The following CPNE5 variants were observed in gnomAD, a reference collection of about 807,000 sequenced individuals.
CPNE5 encodes copine-5.
CPNE5 carries 42 observed loss-of-function variants against 81.1 expected under a neutral mutation model. That is an observed-to-expected ratio of 0.52 (90% CI 0.40 to 0.67). CPNE5 has a LOEUF of 0.67. Among genes scored for constraint, CPNE5 ranks in the 30% least tolerant of loss-of-function variants. CPNE5 has a pLI of 0.00. For synonymous variants in CPNE5, 313 were observed against 321.5 expected (o/e 0.97, Z 0.28); for missense variants, 612 against 815.5 (o/e 0.75, Z 3.04).
intron 12 of CPNE5, among the ~76,000 whole-genome samples, chr6:36,761,868 A>T (rs34050213): frequency 0.026 from 3,984 of 152,294 alleles, 85 homozygotes; most frequent in Non-Finnish European, 0.039. Flanking sequence ...AAGTTCAGAC[A>T]AGAAAGCACG....
chr6:36,753,241 G>A (rs1193478197), intron 13 of CPNE5, 146 bp from the exon 14 acceptor site: 9 of 613,888 alleles, frequency 1.5e-5, no homozygotes, highest in South Asian at 1.4e-4. Flanking sequence ...ACCCCATGAA[G>A]TACTATTATT....
At chr6:36,782,352 T>C (rs115111852) in intron 8 of CPNE5, among the ~76,000 whole-genome samples, 2,172 of 152,136 alleles carry the variant, frequency 0.014, 53 homozygotes, top group African/African-American at 0.05. Context: ...AGGCAACAGC[T>C]CTTAGTTTTG....
At chr6:36,824,328 C>A (rs1234130550) in intron 1 of CPNE5, among the ~76,000 whole-genome samples, 1 of 152,212 alleles carries the variant, frequency 6.6e-6, no homozygotes, top group Non-Finnish European at 1.5e-5. Context: ...GCCAGAGGGA[C>A]TGAGCCCCAG....
At chr6:36,764,150 T>A (rs1766332568) in intron 11 of CPNE5, among the ~76,000 whole-genome samples, 1 of 141,676 alleles carries the variant, frequency 7.1e-6, no homozygotes, top group Non-Finnish European at 1.5e-5. Context: ...GCATTCTGAC[T>A]ATGAGCAACT....
chr6:36,744,960 C>T, intron 18 of CPNE5, 88 bp downstream of exon 18: 2 of 907,546 alleles, frequency 2.2e-6, no homozygotes, highest in Non-Finnish European at 3.6e-6. Flanking sequence ...TCCCTAAGGT[C>T]AAGGAGGTAG....
chr6:36,760,803 A>G (rs1765950831), intron 12 of CPNE5, among the ~76,000 whole-genome samples: 1 of 152,160 alleles, frequency 6.6e-6, no homozygotes, highest in African/African-American at 2.4e-5. Context: ...GGAGCCTGAC[A>G]CTAGGGCAAT....
At chr6:36,829,522 G>T (rs574402129) in intron 1 of CPNE5, among the ~76,000 whole-genome samples, 2 of 151,180 alleles carry the variant, frequency 1.3e-5, no homozygotes, top group South Asian at 4.2e-4. Context: ...CATAAATAAA[G>T]AAACAGAAGG....
chr6:36,774,456 C>G (rs771581702), intron 10 of CPNE5, among the ~76,000 whole-genome samples: 4 of 152,182 alleles, frequency 2.6e-5, no homozygotes, highest in Admixed American at 2.6e-4. Context: ...ACTAGGCTGG[C>G]AGGATGTATC....
intron 12 of CPNE5, among the ~76,000 whole-genome samples, chr6:36,760,294 G>T (rs1326804400): frequency 6.6e-6 from 1 of 151,918 alleles, no homozygotes; most frequent in East Asian, 1.9e-4. Flanking sequence ...GAAAGAGCTT[G>T]GAACTTCACC....
intron 8 of CPNE5, among the ~76,000 whole-genome samples, chr6:36,782,860 CACACACACAA>C (rs1046189194): frequency 2.8e-5 from 4 of 143,674 alleles, no homozygotes; most frequent in Non-Finnish European, 4.6e-5. Flanking sequence ...CACACACACA[CACACACACAA>C]AACGGCACAA....
rs1012137021 is a variant in CPNE5, at chr6:36,822,167, G to T, written c.137-7C>A. ...TGGGTATACATGACGCACACTGCGG[G>T]GGGAGGAGAAACAGTGGATTAATAC... is the stretch of plus-strand genomic sequence containing the variant. On this transcript the variant is annotated splice_region_variant and splice_polypyrimidine_tract_variant and intron_variant, in intron 2 of 20. Coordinates refer to ENST00000244751, the MANE Select transcript of CPNE5 (RefSeq NM_020939.2). 2.0e-6 allele frequency: 3 copies of T among 1,508,838 alleles called. No homozygotes were observed. The highest frequency in any genetic ancestry group is 2.7e-6 in the Non-Finnish European group (3 of 1,118,178). The allele number at this position is 1,508,838 out of a possible 1,614,324, so 93.5% of individuals were successfully genotyped here. A position where few individuals can be genotyped will look rare whatever the true frequency, so the allele number is the denominator to read the frequency against.
At chr6:36,783,903 T>A (rs1768281998) in intron 8 of CPNE5, among the ~76,000 whole-genome samples, 1 of 152,184 alleles carries the variant, frequency 6.6e-6, no homozygotes, top group Admixed American at 6.5e-5. Flanking sequence ...GGCGCTAAGA[T>A]GGGAACAAGA....
At chr6:36,760,661 G>A (rs1765934496) in intron 12 of CPNE5, among the ~76,000 whole-genome samples, 1 of 152,190 alleles carries the variant, frequency 6.6e-6, no homozygotes, top group African/African-American at 2.4e-5. Flanking sequence ...AAGGTGCCCT[G>A]AGCCCCCATG....
intron 1 of CPNE5, among the ~76,000 whole-genome samples, chr6:36,823,777 T>C (rs1247327046): frequency 6.6e-6 from 1 of 152,362 alleles, no homozygotes; most frequent in East Asian, 1.9e-4. Context: ...TCCCATTTAC[T>C]GAGCCCCGGC....
intron 14 of CPNE5, among the ~76,000 whole-genome samples, chr6:36,750,258 G>T (rs1187246609): frequency 6.6e-6 from 1 of 152,188 alleles, no homozygotes; most frequent in African/African-American, 2.4e-5. Flanking sequence ...AGCTCTATCA[G>T]CCCAAGATCC....
chr6:36,767,215 G>A (rs16889095), intron 10 of CPNE5, among the ~76,000 whole-genome samples: 2,539 of 152,230 alleles, frequency 0.017, 60 homozygotes, highest in African/African-American at 0.054. Flanking sequence ...TAGGTACTTG[G>A]GCTTTGCAAC....
intron 1 of CPNE5, among the ~76,000 whole-genome samples, chr6:36,829,565 C>A (rs545612665): frequency 6.6e-6 from 1 of 152,004 alleles, no homozygotes; most frequent in Admixed American, 6.5e-5. Context: ...GTAATCCCAG[C>A]ACTTTGGGAG....
intron 3 of CPNE5, among the ~76,000 whole-genome samples, chr6:36,808,718 T>C (rs1413901279): frequency 6.6e-6 from 1 of 152,222 alleles, no homozygotes; most frequent in Non-Finnish European, 1.5e-5. Flanking sequence ...TCTCCAATAC[T>C]GATAGTAACC....
At position 36,799,865 on chromosome 6, in the gene CPNE5, C is replaced by A. The variant is rs1769949408; in HGVS notation, c.287+102G>T. 19 of 831,352 alleles carry A rather than the reference C, an allele frequency of 2.3e-5. No homozygotes were observed. In the South Asian group the frequency reaches 3.0e-4, roughly 13 times the overall value. 51.5% of individuals were successfully genotyped at this position (831,352 alleles called of 1,614,324 possible). On this transcript the variant is annotated intron_variant, in intron 4 of 20. Coordinates refer to ENST00000244751, the MANE Select transcript of CPNE5 (RefSeq NM_020939.2). Reference sequence around the variant, plus strand: ...CTATCCCAGGCCAACCCTGGGCTCCCACTAATTTCTCAGCTCCTTCCTCAA... The same window carrying A: ...CTATCCCAGGCCAACCCTGGGCTCCAACTAATTTCTCAGCTCCTTCCTCAA...
Sources: gnomAD v4.1 joint callset for allele counts (sites outside exome capture counted in the v4.1 genomes callset) on GRCh38, gnomAD v4.1.1 for gene constraint, MANE v1.5 for transcripts, NCBI Gene and HGNC (gene_info 2026-07-23, HGNC 2026-07-21) for gene names.